The following PPM1E variants were observed in gnomAD, a reference collection of about 807,000 sequenced individuals.
PPM1E encodes protein phosphatase 1E.
Under a neutral mutation model 65.9 loss-of-function variants are expected in PPM1E, and 20 were observed. The observed-to-expected ratio is 0.30, with a 90% CI of 0.21 to 0.44. The LOEUF (loss-of-function observed/expected upper bound fraction) is 0.44. Ranked by LOEUF, PPM1E falls within the 20% of genes least tolerant of loss-of-function variation. The probability of loss-of-function intolerance (pLI) is 1.00; values close to 1 mark genes in which losing one functional copy is unlikely to be tolerated. For synonymous variants in PPM1E, 352 were observed against 374.9 expected (o/e 0.94, Z 0.70); for missense variants, 713 against 953.1 (o/e 0.75, Z 3.32).
intron 6 of PPM1E, 89 bp from the exon 7 acceptor site, chr17:58,979,885 T>G: frequency 9.8e-7 from 1 of 1,019,556 alleles, no homozygotes; most frequent in East Asian, 2.5e-5. Flanking sequence ...CAGTAAGCTG[T>G]GATCAGAGTC....
chr17:58,864,539 C>G (rs1598616902), intron 1 of PPM1E, among the ~76,000 whole-genome samples: 1 of 152,058 alleles, frequency 6.6e-6, no homozygotes, highest in South Asian at 2.1e-4. Flanking sequence ...TCTCAGAAGC[C>G]TGAGGCAGGA....
At chr17:58,790,227 T>TA (rs1426341878) in intron 1 of PPM1E, among the ~76,000 whole-genome samples, 3 of 151,988 alleles carry the variant, frequency 2.0e-5, no homozygotes. Context: ...CCTAGCTAAT[T>TA]AAAATTTTTT....
chr17:58,802,560 T>C (rs2050268827), intron 1 of PPM1E, among the ~76,000 whole-genome samples: 1 of 152,184 alleles, frequency 6.6e-6, no homozygotes. Flanking sequence ...GGGTTTTTTT[T>C]CTATTTTTTG....
chr17:58,821,484 A>G (rs1024819797), intron 1 of PPM1E, among the ~76,000 whole-genome samples: 1 of 152,172 alleles, frequency 6.6e-6, no homozygotes, highest in African/African-American at 2.4e-5. Context: ...TTTCATTTCA[A>G]TATGAAGATT....
In PPM1E at chr17:58,982,878, CTTG is replaced by C; in HGVS notation, c.*1850_*1852del. The C allele has an allele frequency of 6.4e-7, 1 of 1,564,470 alleles. No homozygotes were observed. Among genetic ancestry groups the C allele is most frequent in the Non-Finnish European group, 8.7e-7 (1 of 1,151,286 alleles). On this transcript the variant is annotated 3_prime_UTR_variant, in exon 7 of 7. Transcript: ENST00000308249. ...ATCTGTCACCTTCTGAAGCCTAGAT[CTTG>C]TTAACCCATCAGGTGCAGTGTCAGT... is the stretch of plus-strand genomic sequence containing the variant.
chr17:58,827,914 T>A (rs34019240), intron 1 of PPM1E, among the ~76,000 whole-genome samples: 66,164 of 105,916 alleles, frequency 0.62, 16,862 homozygotes, highest in East Asian at 0.66. Context: ...AAAAAAAAAA[T>A]AATAATAATA....
intron 2 of PPM1E, among the ~76,000 whole-genome samples, chr17:58,958,208 A>T (rs1157824098): frequency 1.3e-5 from 2 of 151,384 alleles, no homozygotes; most frequent in Non-Finnish European, 2.9e-5. Context: ...TTTTATTTTT[A>T]TTTATTTTTT....
intron 1 of PPM1E, among the ~76,000 whole-genome samples, chr17:58,816,742 AT>A: frequency 1.7e-4 from 2 of 11,766 alleles, no homozygotes; most frequent in Non-Finnish European, 2.7e-4. Context: ...CAGAATATAA[AT>A]ATATATATAT....
chr17:58,774,055 A>C (rs1014049675), intron 1 of PPM1E, among the ~76,000 whole-genome samples: 39 of 152,054 alleles, frequency 2.6e-4, no homozygotes, highest in Admixed American at 2.2e-3. Context: ...CCAGCTACTC[A>C]GGAGGCTGAG....
intron 1 of PPM1E, among the ~76,000 whole-genome samples, chr17:58,791,954 T>TC (rs1315851846): frequency 1.3e-5 from 2 of 152,202 alleles, no homozygotes; most frequent in African/African-American, 4.8e-5. Context: ...CTGATTCTCC[T>TC]CTAAGGTTGC....
intron 1 of PPM1E, among the ~76,000 whole-genome samples, chr17:58,853,868 G>A (rs1157286193): frequency 6.6e-6 from 1 of 151,980 alleles, no homozygotes; most frequent in East Asian, 1.9e-4. Flanking sequence ...GAATCCTCCA[G>A]CATTGTTTTT....
At chr17:58,793,921 GCAAC>G (rs1203709007) in intron 1 of PPM1E, among the ~76,000 whole-genome samples, 1 of 151,996 alleles carries the variant, frequency 6.6e-6, no homozygotes, top group Admixed American at 6.6e-5. Flanking sequence ...TTGGCTCACT[GCAAC>G]CTCTGTCTCC....
chr17:58,903,533 C>T (rs1471661290), intron 1 of PPM1E, among the ~76,000 whole-genome samples: 1 of 152,104 alleles, frequency 6.6e-6, no homozygotes, highest in East Asian at 1.9e-4. Flanking sequence ...AATAATGGAA[C>T]CTGAAGACCT....
chr17:58,873,143 A>G (rs1008986135), intron 1 of PPM1E, among the ~76,000 whole-genome samples: 4 of 152,174 alleles, frequency 2.6e-5, no homozygotes, highest in African/African-American at 9.7e-5. Context: ...AACAACTTCA[A>G]TGTAGTATAG....
At chr17:58,965,431 C>T (rs1410762010) in intron 2 of PPM1E, among the ~76,000 whole-genome samples, 2 of 152,036 alleles carry the variant, frequency 1.3e-5, no homozygotes, top group Non-Finnish European at 2.9e-5. Context: ...GAAATCAAGC[C>T]AGGAATAGGT....
intron 4 of PPM1E, among the ~76,000 whole-genome samples, chr17:58,971,256 G>T (rs1353919038): frequency 6.6e-6 from 1 of 152,032 alleles, no homozygotes; most frequent in Non-Finnish European, 1.5e-5. Context: ...ACATTTTATT[G>T]GTGGGTGAGG....
intron 1 of PPM1E, among the ~76,000 whole-genome samples, chr17:58,939,024 G>A (rs1423600171): frequency 1.3e-5 from 2 of 151,964 alleles, no homozygotes. Flanking sequence ...CGGACCTCAG[G>A]TAATCCACCC....
intron 1 of PPM1E, among the ~76,000 whole-genome samples, chr17:58,794,686 A>G (rs1370855323): frequency 2.6e-5 from 4 of 152,108 alleles, no homozygotes; most frequent in Admixed American, 6.6e-5. Flanking sequence ...TTCCTGTGTA[A>G]GTTCGCTTAG....
intron 1 of PPM1E, among the ~76,000 whole-genome samples, chr17:58,815,021 A>G (rs929850753): frequency 6.6e-6 from 1 of 152,166 alleles, no homozygotes; most frequent in African/African-American, 2.4e-5. Flanking sequence ...AAGTCTATAT[A>G]CTTTTCTTTC....
Sources: allele counts gnomAD v4.1 joint callset (sites outside exome capture counted in the v4.1 genomes callset), GRCh38; gene constraint gnomAD v4.1.1; transcripts MANE v1.5; gene names NCBI Gene and HGNC (gene_info 2026-07-23, HGNC 2026-07-21).